The following FFAR1 variants were observed in gnomAD, a reference collection of about 807,000 sequenced individuals.
FFAR1 encodes the protein free fatty acid receptor 1.
For missense variants in FFAR1, 424 were observed against 396.2 expected (o/e 1.07, Z -0.60); for synonymous variants, 216 against 201.5 (o/e 1.07, Z -0.61).
upstream of FFAR1, chr19:35,351,462 C>G (rs780470492): frequency 4.2e-6 from 5 of 1,182,620 alleles, no homozygotes; most frequent in Non-Finnish European, 6.0e-6. Flanking sequence ...CGCGAGTGAT[C>G]CCAGGAGCCC....
chr19:35,352,643 G>T (rs1455234055), exon 1 of FFAR1: 5 of 634,158 alleles, frequency 7.9e-6, no homozygotes, highest in Non-Finnish European at 1.4e-5. Context: ...GCCAGAGCAC[G>T]GTGGCAGGGG....
In FFAR1 at chr19:35,351,818, ACT is replaced by A; in HGVS notation, c.270_271del (p.Tyr91CysfsTer181). Reference sequence around the variant, plus strand: ...TCTTCGCGGTGGCCCACTTCTTCCCACTCTATGCCGGCGGGGGCTTCCTGGCC... The same window carrying A: ...TCTTCGCGGTGGCCCACTTCTTCCCACTATGCCGGCGGGGGCTTCCTGGCC... On this transcript the variant is annotated frameshift_variant, in exon 1 of 1. Coordinates refer to ENST00000246553, the Ensembl canonical transcript of FFAR1. LOFTEE classifies it low-confidence loss of function (END_TRUNC). 1.9e-6 allele frequency: 3 copies of A among 1,607,478 alleles called. No individual in the cohort carries two copies. The highest frequency in any genetic ancestry group is 2.5e-6 in the Non-Finnish European group (3 of 1,178,142).
At chr19:35,352,571 GC>G in exon 1 of FFAR1, 1 of 1,157,020 alleles carries the variant, frequency 8.6e-7, no homozygotes, top group Non-Finnish European at 1.2e-6. Context: ...CCTCCCTGGA[GC>G]CACTCAAGCA....
rs552088342 is a variant in FFAR1 at position 35,352,888 on chromosome 19, T to C, written c.*434T>C. 4 of 211,246 alleles carry C rather than the reference T, an allele frequency of 1.9e-5. No homozygotes were observed. The South Asian group carries it at 3.4e-4, about 18-fold the overall frequency. The allele number at this position is 211,246 out of a possible 1,614,324, so 13.1% of individuals were successfully genotyped here. ...CAGGAGAGAACATTTGATTTCCGAG[T>C]AGGAGAGGAGGCAGGAGGCAGGATA... is the stretch of plus-strand genomic sequence containing the variant. On this transcript the variant is annotated 3_prime_UTR_variant, in exon 1 of 1. Coordinates refer to ENST00000246553, the Ensembl canonical transcript of FFAR1.
chr19:35,349,852 A>G (rs1325441515), upstream of FFAR1, among the ~76,000 whole-genome samples: 1 of 152,226 alleles, frequency 6.6e-6, no homozygotes, highest in Non-Finnish European at 1.5e-5. Context: ...AGACAGAGAC[A>G]GAATCACAGA....
chr19:35,351,599 T>C, exon 1 of FFAR1: 2 of 1,541,434 alleles, frequency 1.3e-6, no homozygotes, highest in East Asian at 4.9e-5. Context: ...TGGCCGCCTT[T>C]GCGCTGGGCT....
At chr19:35,348,830 A>G (rs368604301), upstream of FFAR1, among the ~76,000 whole-genome samples, 34 of 152,298 alleles carry the variant, frequency 2.2e-4, no homozygotes, top group Admixed American at 1.4e-3. Flanking sequence ...TTAAGGCAAG[A>G]TACCCTGGAG....
At chr19:35,349,851 C>T (rs1367133102), upstream of FFAR1, among the ~76,000 whole-genome samples, 6 of 152,210 alleles carry the variant, frequency 3.9e-5, no homozygotes, top group East Asian at 7.7e-4. Context: ...GAGACAGAGA[C>T]AGAATCACAG....
exon 1 of FFAR1, chr19:35,351,826 C>T (rs1395656299): frequency 6.2e-7 from 1 of 1,608,936 alleles, no homozygotes. Flanking sequence ...CCACTCTATG[C>T]CGGCGGGGGC....
chr19:35,349,975 T>C (rs761291632), upstream of FFAR1, among the ~76,000 whole-genome samples: 1 of 152,120 alleles, frequency 6.6e-6, no homozygotes. Flanking sequence ...GTGGGAAACA[T>C]GAAAGGCTGG....
At chr19:35,352,557 G>T in exon 1 of FFAR1, 1 of 1,317,008 alleles carries the variant, frequency 7.6e-7, no homozygotes, top group Non-Finnish European at 1.0e-6. Flanking sequence ...GCCTGGCCCG[G>T]AGGCCTCCCT....
chr19:35,352,540 C>A, exon 1 of FFAR1: 1 of 1,433,430 alleles, frequency 7.0e-7, no homozygotes, highest in Non-Finnish European at 9.3e-7. Context: ...GGAGGAACTG[C>A]AGGGCAGCCT....
chr19:35,352,170 CG>C lies in FFAR1; in HGVS notation c.622del (p.Ala208HisfsTer7). 1 of 1,608,600 alleles carries C rather than the reference CG, an allele frequency of 6.2e-7. No individual in the cohort carries two copies. On this transcript the variant is annotated frameshift_variant, in exon 1 of 1. Coordinates refer to ENST00000246553, the Ensembl canonical transcript of FFAR1. LOFTEE classifies it low-confidence loss of function (END_TRUNC). ...AGCCTTCTGCTACGTGGGCTGCCTC[CG>C]GGCACTGGCCCGCTCCGGCCTGACG...
chr19:35,352,188 G>A lies in FFAR1; in HGVS notation c.637G>A (p.Gly213Ser), dbSNP rs985892634. Residue 213 changes from glycine to serine, a missense_variant, in exon 1 of 1, where the codon GGC becomes AGC. Transcript: ENST00000246553. ...CTGCCTCCGGGCACTGGCCCGCTCC[G>A]GCCTGACGCACAGGCGGAAGCTGCG... The A allele has an allele frequency of 3.1e-6, 5 of 1,603,260 alleles. No individual in the cohort carries two copies. In the South Asian group the frequency reaches 4.4e-5, roughly 14 times the overall value.
upstream of FFAR1, among the ~76,000 whole-genome samples, chr19:35,349,065 C>T (rs115018191): frequency 3.2e-3 from 490 of 152,262 alleles, 3 homozygotes; most frequent in African/African-American, 0.011. Flanking sequence ...AGACGCAGGC[C>T]GCCCTCCACA....
chr19:35,350,436 G>A (rs1213437712), upstream of FFAR1, among the ~76,000 whole-genome samples: 1 of 152,292 alleles, frequency 6.6e-6, no homozygotes, highest in East Asian at 1.9e-4. Flanking sequence ...AGTGAGGCCC[G>A]GGACCTGCCC....
chr19:35,351,546 G>C, upstream of FFAR1: 1 of 1,539,430 alleles, frequency 6.5e-7, no homozygotes, highest in Non-Finnish European at 8.7e-7. Context: ...CCAGGACGGC[G>C]GCCCCATGGA....
chr19:35,351,671 T>C (rs368886663), exon 1 of FFAR1: 1 of 1,557,202 alleles, frequency 6.4e-7, no homozygotes, highest in Non-Finnish European at 8.7e-7. Context: ...GTCTCACCCC[T>C]AGCCTGGTCT....
exon 1 of FFAR1, chr19:35,351,916 A>G (rs147333701): frequency 1.9e-6 from 3 of 1,613,780 alleles, no homozygotes; most frequent in Non-Finnish European, 1.7e-6. Context: ...AGGCCGTGCT[A>G]TTCCTGGGGG....
Sources: gnomAD v4.1 joint callset for allele counts (sites outside exome capture counted in the v4.1 genomes callset) on GRCh38, gnomAD v4.1.1 for gene constraint, MANE v1.5 for transcripts, NCBI Gene and HGNC (gene_info 2026-07-23, HGNC 2026-07-21) for gene names.